OPCML: variants seen among roughly 807,000 people sequenced by gnomAD.
The protein encoded by OPCML is opioid binding protein/cell adhesion molecule like.
In OPCML, 13 loss-of-function variants were observed where a neutral mutation model predicts 37.8. The ratio of observed to expected loss-of-function variants is 0.34; its 90% CI spans 0.22 to 0.55. The LOEUF is 0.55. Ranked by LOEUF, OPCML falls within the 20% of genes least tolerant of loss-of-function variation. The probability of loss-of-function intolerance (pLI) is 0.91; values close to 1 mark genes in which losing one functional copy is unlikely to be tolerated. For synonymous variants in OPCML, 176 were observed against 168.8 expected (o/e 1.04, Z -0.33); for missense variants, 341 against 435.6 (o/e 0.78, Z 1.93).
At chr11:132,657,008 C>A in intron 3 of OPCML, 79 bp downstream of exon 3, 2 of 1,560,230 alleles carry the variant, frequency 1.3e-6, no homozygotes, top group Admixed American at 1.8e-5. Flanking sequence ...TCTTCGCACA[C>A]AGGTAGAACA....
intron 3 of OPCML, among the ~76,000 whole-genome samples, chr11:132,596,636 G>A (rs901673729): frequency 2.0e-5 from 3 of 152,168 alleles, no homozygotes; most frequent in African/African-American, 7.2e-5. Flanking sequence ...AGGAGGTGGG[G>A]AGGACAGTCT....
At chr11:133,163,579 A>G (rs1209072782) in intron 1 of OPCML, among the ~76,000 whole-genome samples, 1 of 152,202 alleles carries the variant, frequency 6.6e-6, no homozygotes, top group African/African-American at 2.4e-5. Flanking sequence ...TCTTCCTGAC[A>G]ATCTCAGTAT....
chr11:133,529,942 G>A (rs1167580997), intron 1 of OPCML, among the ~76,000 whole-genome samples: 2 of 152,164 alleles, frequency 1.3e-5, no homozygotes, highest in Admixed American at 6.5e-5. Flanking sequence ...CACCTTCTAA[G>A]GCTAACTTTT....
chr11:132,560,686 G>A (rs1200439101), intron 3 of OPCML, among the ~76,000 whole-genome samples: 7 of 152,192 alleles, frequency 4.6e-5, no homozygotes, highest in Non-Finnish European at 1.0e-4. Context: ...CGTTAGTGAC[G>A]TGGAGCATTT....
Position 133,208,507 on chromosome 11 carries a change from A to T in OPCML, c.62-265497T>A, listed in dbSNP as rs1432055115. Among the ~76,000 whole-genome samples, 1 of 152,226 alleles carries T rather than the reference A, an allele frequency of 6.6e-6. No homozygotes were observed. The highest frequency in any genetic ancestry group is 2.4e-5 in the African/African-American group (1 of 41,470). On this transcript the variant is annotated intron_variant, in intron 1 of 7. Coordinates refer to ENST00000524381, the MANE Select transcript of OPCML (RefSeq NM_001012393.5). The surrounding 1 kb of genome is among the most constrained non-coding windows in gnomAD (Gnocchi z 8.9). The stretch of plus-strand genomic sequence containing the variant: ...GAATAGATTTGGATAATAAAGTGCA[A>T]TGAAGTATGTCAGTAGGGCATCGTA...
chr11:133,487,993 T>C (rs1008277468), intron 1 of OPCML, among the ~76,000 whole-genome samples: 2 of 152,218 alleles, frequency 1.3e-5, no homozygotes, highest in East Asian at 1.9e-4. Context: ...AAATGTGATA[T>C]ATCGCATAAA....
At chr11:132,794,673 T>A (rs1311336417) in intron 2 of OPCML, among the ~76,000 whole-genome samples, 1 of 152,116 alleles carries the variant, frequency 6.6e-6, no homozygotes, top group Non-Finnish European at 1.5e-5. Flanking sequence ...CCAGAACCCC[T>A]GCAAATAACC....
chr11:133,504,677 A>C (rs902058256), intron 1 of OPCML, among the ~76,000 whole-genome samples: 1 of 152,202 alleles, frequency 6.6e-6, no homozygotes, highest in African/African-American at 2.4e-5. Flanking sequence ...GAAGCCGTCA[A>C]ATGGGACTGG....
At chr11:133,258,898 G>GA (rs1186953566) in intron 1 of OPCML, among the ~76,000 whole-genome samples, 1 of 152,276 alleles carries the variant, frequency 6.6e-6, no homozygotes, top group Non-Finnish European at 1.5e-5. Flanking sequence ...TGCTTTTCAA[G>GA]AAAAAAACTG....
intron 1 of OPCML, among the ~76,000 whole-genome samples, chr11:133,348,371 G>A (rs1289808548): frequency 6.6e-6 from 1 of 152,168 alleles, no homozygotes; most frequent in East Asian, 1.9e-4. Context: ...GTCGTGCATC[G>A]AGCAGGTGCT....
chr11:133,114,615 C>T (rs1045875984), intron 1 of OPCML, among the ~76,000 whole-genome samples: 2 of 152,134 alleles, frequency 1.3e-5, no homozygotes, highest in African/African-American at 4.8e-5. Context: ...AATACATGGC[C>T]TAACTGCTCC....
At chr11:133,456,271 A>T (rs1250387749) in intron 1 of OPCML, among the ~76,000 whole-genome samples, 1 of 152,124 alleles carries the variant, frequency 6.6e-6, no homozygotes, top group Non-Finnish European at 1.5e-5. Context: ...TTTTGTGGAG[A>T]GGGAAGATTT....
chr11:132,841,659 G>A (rs566737148), intron 2 of OPCML, among the ~76,000 whole-genome samples: 3 of 151,878 alleles, frequency 2.0e-5, no homozygotes, highest in Admixed American at 6.6e-5. Context: ...CAAGGAGTTC[G>A]AGACCAGCCT....
intron 2 of OPCML, among the ~76,000 whole-genome samples, chr11:132,771,161 A>G (rs1394566063): frequency 6.6e-6 from 1 of 152,220 alleles, no homozygotes; most frequent in Non-Finnish European, 1.5e-5. Flanking sequence ...ATGGAAAAAT[A>G]GGTTAGTTAG....
chr11:133,424,978 A>G (rs552945947), intron 1 of OPCML, among the ~76,000 whole-genome samples: 14 of 152,370 alleles, frequency 9.2e-5, no homozygotes, highest in African/African-American at 2.6e-4. Context: ...TTAACATGAC[A>G]TGACTATTCC....
At chr11:132,739,389 G>A (rs531559759) in intron 2 of OPCML, among the ~76,000 whole-genome samples, 11 of 152,258 alleles carry the variant, frequency 7.2e-5, no homozygotes, top group African/African-American at 2.6e-4. Flanking sequence ...CAGGTCCCAG[G>A]CAATGAACCT....
At chr11:132,425,367 T>C (rs1368374928) in intron 7 of OPCML, among the ~76,000 whole-genome samples, 1 of 152,190 alleles carries the variant, frequency 6.6e-6, no homozygotes, top group Non-Finnish European at 1.5e-5. Flanking sequence ...TGTTGGATAG[T>C]CTTAAGAGCA....
chr11:132,978,567 G>A (rs1181016615), intron 1 of OPCML, among the ~76,000 whole-genome samples: 2 of 152,094 alleles, frequency 1.3e-5, no homozygotes, highest in African/African-American at 4.8e-5. Flanking sequence ...GGTCTGCAAG[G>A]TGTGGCTCTG....
chr11:133,493,005 C>T (rs551056449), intron 1 of OPCML, among the ~76,000 whole-genome samples: 1 of 152,318 alleles, frequency 6.6e-6, no homozygotes, highest in Admixed American at 6.5e-5. Context: ...AGGCTCTGCT[C>T]CCTTTGGGAA....
Sources: gnomAD v4.1 joint callset for allele counts (sites outside exome capture counted in the v4.1 genomes callset) on GRCh38, gnomAD v4.1.1 for gene constraint, Gnocchi (gnomAD v3.1) non-coding constraint, MANE v1.5 for transcripts, NCBI Gene and HGNC (gene_info 2026-07-23, HGNC 2026-07-21) for gene names.